CCDC88A: variants seen among roughly 807,000 people sequenced by gnomAD.
CCDC88A encodes the protein coiled-coil and HOOK domain protein 88A.
CCDC88A carries 54 observed loss-of-function variants against 234.3 expected under a neutral mutation model. That is an observed-to-expected ratio of 0.23 (90% CI 0.19 to 0.29). CCDC88A has a LOEUF of 0.29. Among genes scored for constraint, CCDC88A ranks in the 10% least tolerant of loss-of-function variants. The probability of loss-of-function intolerance (pLI) is 1.00; values close to 1 mark genes in which losing one functional copy is unlikely to be tolerated. For missense variants in CCDC88A, 1,832 were observed against 2,123.4 expected (o/e 0.86, Z 2.70); for synonymous variants, 753 against 737.8 (o/e 1.02, Z -0.33).
At position 55,298,922 on chromosome 2, in the gene CCDC88A, G is replaced by A. The variant is rs565528218; in HGVS notation, c.4825+917C>T. ...AAAAAAACAAAAAACCCTCCAGGCC[G>A]GGCAAGGTGGCTCACACCTGTAATC... On this transcript the variant is annotated intron_variant, in intron 29 of 32. Coordinates refer to ENST00000436346, the MANE Select transcript of CCDC88A (RefSeq NM_001365480.1). Among the ~76,000 whole-genome samples, 11 of 151,350 alleles carry A rather than the reference G, an allele frequency of 7.3e-5. No homozygotes were observed. The South Asian group carries it at 1.1e-3, about 14-fold the overall frequency.
At chr2:55,300,519 G>T (rs1332763376) in intron 28 of CCDC88A, 3 of 152,208 alleles carry the variant, frequency 2.0e-5, no homozygotes, top group Admixed American at 2.0e-4. Flanking sequence ...CCAAAAACTG[G>T]TTTCTTTTTG....
intron 5 of CCDC88A, among the ~76,000 whole-genome samples, chr2:55,366,530 CACAT>C (rs1410217738): frequency 2.0e-4 from 24 of 120,168 alleles, no homozygotes; most frequent in Non-Finnish European, 2.6e-4. Flanking sequence ...CTGTCACACA[CACAT>C]ACACACACAC....
intron 3 of CCDC88A, among the ~76,000 whole-genome samples, chr2:55,380,616 T>A (rs567292990): frequency 1.4e-4 from 21 of 152,252 alleles, no homozygotes; most frequent in African/African-American, 4.8e-4. Flanking sequence ...TTTTTAAAAA[T>A]TTTTTCTTTA....
At position 55,372,489 on chromosome 2, in the gene CCDC88A, T is replaced by C. The variant is rs1047915850; in HGVS notation, c.365A>G (p.Lys122Arg). Residue 122 changes from lysine to arginine, a missense_variant, in exon 5 of 33, where the codon AAA (lysine) becomes AGA (arginine). Around this residue, in one of 6 missense-constraint regions of CCDC88A, gnomAD observed 84 missense variants for 80.9 expected, o/e 1.04. Transcript: ENST00000436346. Reference protein sequence around the residue: ...PFSEQGTEEVKKLLLLLLGCA... With the variant: ...PFSEQGTEEVRKLLLLLLGCA... Reference sequence around the variant, plus strand: ...ACCCAATAAAAGTAAAAGCAGTTTTTTAACTTCTTCTGTGCCTTGTTCTAA... The same window carrying C: ...ACCCAATAAAAGTAAAAGCAGTTTTCTAACTTCTTCTGTGCCTTGTTCTAA... 2 of 1,524,052 alleles carry C rather than the reference T, an allele frequency of 1.3e-6. No homozygotes were observed. Among genetic ancestry groups the C allele is most frequent in the Admixed American group, 3.4e-5 (2 of 58,602 alleles). The allele number at this position is 1,524,052 out of a possible 1,614,324, so 94.4% of individuals were successfully genotyped here. A position where few individuals can be genotyped will look rare whatever the true frequency, so the allele number is the denominator to read the frequency against.
rs10191785 is a variant in CCDC88A at position 55,309,672 on chromosome 2, T to C, written c.4080-418A>G. ...CATGAGTCATCGCATCCTAGTCTCATTGTTATATTCTCAGTAGTATTTACT... is the reference window on the plus strand; with the variant it reads ...CATGAGTCATCGCATCCTAGTCTCACTGTTATATTCTCAGTAGTATTTACT... On this transcript the variant is annotated intron_variant, in intron 23 of 32. Coordinates refer to ENST00000436346, the MANE Select transcript of CCDC88A (RefSeq NM_001365480.1). This position sits in a 1 kb window ranked among gnomAD's most constrained non-coding sequence, Gnocchi z 5.1. 0.085 allele frequency among the ~76,000 whole-genome samples: 12,982 copies of C among 152,174 alleles called. 1,297 individuals carry two copies. The highest frequency in any genetic ancestry group is 0.24 in the African/African-American group (9,970 of 41,482).
At chr2:55,300,936 C>T (rs1410784264) in intron 28 of CCDC88A, 1 of 310,896 alleles carries the variant, frequency 3.2e-6, no homozygotes, top group Non-Finnish European at 5.8e-6. Context: ...TAATCTTATA[C>T]AAAAATGGTA....
chr2:55,308,723 A>G, intron 25 of CCDC88A, 86 bp downstream of exon 25: 2 of 905,928 alleles, frequency 2.2e-6, no homozygotes, highest in South Asian at 3.1e-5. Flanking sequence ...TCATCAGACT[A>G]TTCCCCCAAA....
intron 13 of CCDC88A, among the ~76,000 whole-genome samples, chr2:55,338,627 G>A (rs1201832604): frequency 6.6e-6 from 1 of 152,186 alleles, no homozygotes; most frequent in African/African-American, 2.4e-5. Flanking sequence ...TAATTTCAGA[G>A]AAATGGCTGT....
chr2:55,328,325 T>C lies in CCDC88A; in HGVS notation c.2966A>G (p.Tyr989Cys). Residue 989 changes from tyrosine to cysteine, a missense_variant, in exon 17 of 33, where the codon TAT becomes TGT. Physicochemically the swap from Tyr to Cys is radical, Grantham distance 194 (BLOSUM62 -2). This residue lies in a region of CCDC88A where 1,282 missense variants were observed against 1,543.6 expected (regional missense o/e 0.83). Coordinates refer to ENST00000436346, the MANE Select transcript of CCDC88A (RefSeq NM_001365480.1). The surrounding 1 kb of genome is among the most constrained non-coding windows in gnomAD (Gnocchi z 4.3). ...LEARLEESTNYNQQLRQELKT... is the reference protein window; with the variant it reads ...LEARLEESTNCNQQLRQELKT... ...AAGTTCTTGGCGCAATTGCTGGTTA[T>C]AATTCGTGGATTCTTCTAATCGAGC... 6.3e-7 allele frequency: 1 copy of C among 1,599,942 alleles called. No homozygotes were observed. The highest frequency in any genetic ancestry group is 8.5e-7 in the Non-Finnish European group (1 of 1,174,910).
At chr2:55,319,141 G>A in intron 18 of CCDC88A, 137 bp from the exon 19 acceptor site, 2 of 642,706 alleles carry the variant, frequency 3.1e-6, no homozygotes, top group Admixed American at 3.5e-5. Context: ...TCTTAAAAGA[G>A]AAAAAAAACC....
chr2:55,382,642 A>G (rs1228480151), intron 3 of CCDC88A, among the ~76,000 whole-genome samples: 2 of 152,218 alleles, frequency 1.3e-5, no homozygotes, highest in Non-Finnish European at 1.5e-5. Context: ...TTTACATAAC[A>G]GCTATAATTT....
rs1258418982 is a variant in CCDC88A at position 55,384,656 on chromosome 2, T to TACGTATATATGTGTATATATAC, written c.273+4121_273+4122insGTATATATACACATATATACGT. Among the ~76,000 whole-genome samples, 15 of 137,494 alleles carry TACGTATATATGTGTATATATAC rather than the reference T, an allele frequency of 1.1e-4. 3 individuals carry two copies. The highest frequency in any genetic ancestry group is 4.3e-4 in the African/African-American group (14 of 32,622). 90.2% of individuals were successfully genotyped at this position (137,494 alleles called of 152,430 possible). On this transcript the variant is annotated intron_variant, in intron 3 of 32. Transcript: ENST00000436346. ...GTATATATGTGTATATATACATATA[T>TACGTATATATGTGTATATATAC]ATATATATATATTTTTTAAAGACAG...
chr2:55,385,746 A>AG (rs1195137399), intron 3 of CCDC88A, among the ~76,000 whole-genome samples: 1 of 147,308 alleles, frequency 6.8e-6, no homozygotes, highest in Non-Finnish European at 1.5e-5. Flanking sequence ...TCAGCTACTC[A>AG]GGGGCCTGAG....
At chr2:55,416,070 C>A (rs1281888954) in intron 2 of CCDC88A, among the ~76,000 whole-genome samples, 1 of 151,344 alleles carries the variant, frequency 6.6e-6, no homozygotes, top group Non-Finnish European at 1.5e-5. Context: ...GAAACCAACC[C>A]CAAAATGACA....
intron 5 of CCDC88A, among the ~76,000 whole-genome samples, chr2:55,366,318 G>A (rs1343987831): frequency 6.6e-6 from 1 of 152,108 alleles, no homozygotes; most frequent in Non-Finnish European, 1.5e-5. Context: ...CTGAGGTCAG[G>A]AGTTCAAGAC....
rs572379840 is a variant in CCDC88A at position 55,334,678 on chromosome 2, A to T, written c.2143T>A (p.Cys715Ser). Residue 715 changes from cysteine (C) to serine (S), a missense_variant, in exon 15 of 33, where the codon TGT (cysteine) becomes AGT (serine). Physicochemically the swap from Cys to Ser is moderately radical, Grantham distance 112. This residue lies in a region of CCDC88A where 1,282 missense variants were observed against 1,543.6 expected (regional missense o/e 0.83). Transcript: ENST00000436346. The surrounding 1 kb of genome is among the most constrained non-coding windows in gnomAD (Gnocchi z 6.1). ...ELRRNVESLK[C>S]ASMKMAQLQL... ...AGCTGAGCCATTTTCATGCTTGCAC[A>T]CTTCAAAGATTCTACATTCCTTCGC... The T allele has an allele frequency of 9.3e-6, 15 of 1,613,728 alleles. No homozygotes were observed. In the Admixed American group the frequency reaches 1.2e-4, roughly 13 times the overall value.
intron 13 of CCDC88A, chr2:55,337,038 G>A (rs1685529177): frequency 6.3e-6 from 2 of 317,866 alleles, no homozygotes; most frequent in Non-Finnish European, 5.7e-6. Flanking sequence ...CATCTTTTGG[G>A]GTAAATTTCA....
chr2:55,295,689 C>A lies in CCDC88A; in HGVS notation c.5459G>T (p.Ser1820Ile). ...GTCCTTGGTCAAAAAATCATGGATG[C>A]TTGTCCTTCGTGTAGTTCCTTCGGC... ...STAEGTTRRT[S>I]IHDFLTKDSR... The change falls in exon 31 of 33, where the codon AGC becomes ATC. Residue 1820 changes from serine to isoleucine, a missense_variant. This residue lies in a region of CCDC88A where 422 missense variants were observed against 416.5 expected (regional missense o/e 1.01). Transcript: ENST00000436346. The A allele has an allele frequency of 6.2e-7, 1 of 1,614,198 alleles. No homozygotes were observed. Among genetic ancestry groups the A allele is most frequent in the African/African-American group, 1.3e-5 (1 of 75,046 alleles).
chr2:55,344,693 C>A (rs978528073), intron 10 of CCDC88A, among the ~76,000 whole-genome samples, 179 bp from the exon 11 acceptor site: 2 of 152,038 alleles, frequency 1.3e-5, no homozygotes, highest in Non-Finnish European at 2.9e-5. Context: ...AGAATGCAAA[C>A]AAAACACTCA....
Sources: gnomAD v4.1 joint callset for allele counts (sites outside exome capture counted in the v4.1 genomes callset) on GRCh38, gnomAD v4.1.1 for gene constraint, gnomAD v4.1.1 regional missense constraint, Gnocchi (gnomAD v3.1) non-coding constraint, MANE v1.5 for transcripts, NCBI Gene and HGNC (gene_info 2026-07-23, HGNC 2026-07-21) for gene names.